The following VWA8 variants were observed in gnomAD, a reference collection of about 807,000 sequenced individuals.
The protein encoded by VWA8 is von Willebrand factor A domain containing 8.
VWA8 carries 221 observed loss-of-function variants against 241.5 expected under a neutral mutation model. The observed-to-expected ratio is 0.91, with a 90% CI of 0.82 to 1.02. The LOEUF (loss-of-function observed/expected upper bound fraction) is 1.02. Ranked by LOEUF, VWA8 falls within the 50% of genes least tolerant of loss-of-function variation. The pLI is 0.00. For missense variants in VWA8, 2,322 were observed against 2,328.7 expected (o/e 1.00, Z 0.06); for synonymous variants, 852 against 827.1 (o/e 1.03, Z -0.52).
rs1189578863 is a variant in VWA8 at position 41,643,083 on chromosome 13, C to A, written c.4611+27863G>T. Among the ~76,000 whole-genome samples, 5 of 152,266 alleles carry A rather than the reference C, an allele frequency of 3.3e-5. No homozygotes were observed. The East Asian group carries it at 9.6e-4, about 29-fold the overall frequency. On this transcript the variant is annotated intron_variant, in intron 37 of 44. Coordinates refer to ENST00000379310, the MANE Select transcript of VWA8 (RefSeq NM_015058.2). ...TCTATAGACTCTAGGCAAAGGTGAT[C>A]CTGACAGCTAGGACCACTTAGCCCC...
intron 4 of VWA8, among the ~76,000 whole-genome samples, chr13:41,897,811 A>C (rs1408426343): frequency 6.6e-6 from 1 of 152,076 alleles, no homozygotes; most frequent in Non-Finnish European, 1.5e-5. Flanking sequence ...AGAGCGAAAA[A>C]ACAAAGCTTC....
chr13:41,900,289 A>G (rs1490996784), intron 4 of VWA8, among the ~76,000 whole-genome samples: 1 of 152,324 alleles, frequency 6.6e-6, no homozygotes, highest in Admixed American at 6.5e-5. Context: ...GGAGCAATAT[A>G]TGTATTTTTT....
At chr13:41,874,106 C>T (rs1488517214) in intron 9 of VWA8, among the ~76,000 whole-genome samples, 3 of 151,712 alleles carry the variant, frequency 2.0e-5, no homozygotes, top group Non-Finnish European at 4.4e-5. Context: ...TCAATAGATG[C>T]AGAAAAGGCC....
chr13:41,777,776 A>T (rs1868674835), intron 20 of VWA8, among the ~76,000 whole-genome samples: 1 of 152,184 alleles, frequency 6.6e-6, no homozygotes, highest in African/African-American at 2.4e-5. Flanking sequence ...TATAAGACAG[A>T]ATGTACATAA....
chr13:41,931,021 C>A (rs377147960), intron 2 of VWA8, among the ~76,000 whole-genome samples: 2 of 151,690 alleles, frequency 1.3e-5, no homozygotes, highest in African/African-American at 4.8e-5. Context: ...TGGTGGCGCA[C>A]GCCTGTAGTC....
At chr13:41,849,643 C>A (rs1012866387) in intron 12 of VWA8, among the ~76,000 whole-genome samples, 3 of 152,132 alleles carry the variant, frequency 2.0e-5, no homozygotes, top group Non-Finnish European at 4.4e-5. Flanking sequence ...AATCCCAGCA[C>A]TTTGGGAGGC....
intron 13 of VWA8, among the ~76,000 whole-genome samples, chr13:41,831,613 G>GTTTTTTT (rs71096547): frequency 4.4e-5 from 5 of 113,414 alleles, no homozygotes; most frequent in African/African-American, 1.1e-4. Context: ...CCAGGCATGA[G>GTTTTTTT]TTTTTTTTTT....
intron 26 of VWA8, among the ~76,000 whole-genome samples, chr13:41,711,207 C>T (rs2045313834): frequency 6.6e-6 from 1 of 152,168 alleles, no homozygotes; most frequent in African/African-American, 2.4e-5. Context: ...GAAGTTACTA[C>T]TTATTTGGCT....
intron 20 of VWA8, among the ~76,000 whole-genome samples, chr13:41,777,544 C>T (rs73466984): frequency 0.012 from 1,801 of 152,220 alleles, 33 homozygotes; most frequent in African/African-American, 0.039. Context: ...TCAGACTATA[C>T]CTAACAGAAA....
intron 40 of VWA8, among the ~76,000 whole-genome samples, chr13:41,604,445 T>A (rs1188320631): frequency 2.6e-5 from 4 of 152,142 alleles, no homozygotes; most frequent in Non-Finnish European, 5.9e-5. Flanking sequence ...ACGGATTAGA[T>A]CTTTTGAAAA....
intron 42 of VWA8, among the ~76,000 whole-genome samples, chr13:41,585,732 C>T (rs1250378149): frequency 1.5e-4 from 23 of 151,634 alleles, no homozygotes; most frequent in Non-Finnish European, 4.4e-5. Flanking sequence ...GGCGTGGTGG[C>T]GGGCACCTGT....
intron 21 of VWA8, among the ~76,000 whole-genome samples, chr13:41,757,986 A>C (rs1223812210): frequency 6.6e-6 from 1 of 151,732 alleles, no homozygotes; most frequent in Non-Finnish European, 1.5e-5. Flanking sequence ...CGGTAGCAGA[A>C]AATCAGGATT....
intron 26 of VWA8, among the ~76,000 whole-genome samples, chr13:41,711,732 G>C (rs2045319042): frequency 6.6e-6 from 1 of 152,026 alleles, no homozygotes; most frequent in African/African-American, 2.4e-5. Context: ...AAATTAGCGG[G>C]GCGTGGTGGC....
chr13:41,907,619 C>T lies in VWA8; in HGVS notation c.450G>A (p.Glu150=). The change falls in exon 4 of 45, where the codon GAG becomes GAA. Residue 150 remains glutamate (E), a synonymous_variant. Transcript: ENST00000379310. ...TGTAAAAGGCTGTGCCTGCACGGAT[C>T]TCTCGTCGCTGTTTGAGATCAGTTT... The part of the protein sequence containing the change: ...TTETDLKQRR[E]IRAGTAFYID... 6.2e-7 allele frequency: 1 copy of T among 1,614,166 alleles called. No individual in the cohort carries two copies. Among genetic ancestry groups the T allele is most frequent in the Non-Finnish European group, 8.5e-7 (1 of 1,180,002 alleles).
intron 12 of VWA8, among the ~76,000 whole-genome samples, chr13:41,857,761 T>A (rs932031183): frequency 1.3e-5 from 2 of 152,180 alleles, no homozygotes; most frequent in African/African-American, 4.8e-5. Flanking sequence ...CTGTGATGGT[T>A]AATTTTATGT....
rs868202133 is a variant in VWA8 at position 41,787,497 on chromosome 13, C to CT, written c.2109dup (p.Asp704ArgfsTer9). ...TCAGTATTTATTTCTATTGTAGCAT[C>CT]TGCCAGATTTTTTTCTAATGCTGAC... On this transcript the variant is annotated frameshift_variant, in exon 18 of 45. Transcript: ENST00000379310. LOFTEE classifies it high-confidence loss of function. The CT allele has an allele frequency of 1.7e-5, 28 of 1,612,548 alleles. No homozygotes were observed. The highest frequency in any genetic ancestry group is 2.0e-5 in the Non-Finnish European group (24 of 1,179,366).
intron 20 of VWA8, among the ~76,000 whole-genome samples, chr13:41,773,965 C>T (rs189509469): frequency 1.4e-3 from 207 of 152,150 alleles, no homozygotes; most frequent in Middle Eastern, 6.8e-3. Context: ...GTAGGTAGTC[C>T]CTAGATTTTA....
intron 37 of VWA8, among the ~76,000 whole-genome samples, chr13:41,618,523 G>A (rs1323632299): frequency 6.6e-6 from 1 of 151,834 alleles, no homozygotes; most frequent in Non-Finnish European, 1.5e-5. Context: ...CATTGCTTTC[G>A]GTGTTTTCGT....
At chr13:41,879,066 G>A (rs1160755390) in intron 9 of VWA8, among the ~76,000 whole-genome samples, 1 of 152,042 alleles carries the variant, frequency 6.6e-6, no homozygotes, top group African/African-American at 2.4e-5. Flanking sequence ...TTGGGCTGAG[G>A]GGCATTAAAG....
Sources: allele counts gnomAD v4.1 joint callset (sites outside exome capture counted in the v4.1 genomes callset), GRCh38; gene constraint gnomAD v4.1.1; transcripts MANE v1.5; gene names NCBI Gene and HGNC (gene_info 2026-07-23, HGNC 2026-07-21).